The following AP1G1 variants were observed in gnomAD, a reference collection of about 807,000 sequenced individuals.
AP1G1 encodes adaptor related protein complex 1 subunit gamma 1.
In AP1G1, 7 loss-of-function variants were observed where a neutral mutation model predicts 108.3. The ratio of observed to expected loss-of-function variants is 0.06; its 90% confidence interval spans 0.04 to 0.12. AP1G1 has a LOEUF of 0.12. Among genes scored for constraint, AP1G1 ranks in the 10% least tolerant of loss-of-function variants. The probability of loss-of-function intolerance (pLI) is 1.00; values close to 1 mark genes in which losing one functional copy is unlikely to be tolerated. For synonymous variants in AP1G1, 379 were observed against 353.5 expected (o/e 1.07, Z -0.81); for missense variants, 756 against 1,010.7 (o/e 0.75, Z 3.42).
chr16:71,803,013 G>C (rs969253385), intron 1 of AP1G1, among the ~76,000 whole-genome samples: 6 of 151,816 alleles, frequency 4.0e-5, no homozygotes, highest in African/African-American at 9.7e-5. Context: ...TCAGGATTTC[G>C]AGACCAGCCT....
intron 1 of AP1G1, among the ~76,000 whole-genome samples, chr16:71,802,633 G>T (rs1483726845): frequency 6.6e-6 from 1 of 151,966 alleles, no homozygotes; most frequent in African/African-American, 2.4e-5. Context: ...GGGAGGCTGA[G>T]GCAGAAGAAT....
chr16:71,806,035 A>ATT (rs2032987998), intron 1 of AP1G1, among the ~76,000 whole-genome samples: 1 of 148,756 alleles, frequency 6.7e-6, no homozygotes, highest in African/African-American at 2.5e-5. Flanking sequence ...AAATAATAAA[A>ATT]AAAAAAAAAA....
chr16:71,765,441 GAT>G, intron 7 of AP1G1, 46 bp downstream of exon 7: 1 of 1,351,540 alleles, frequency 7.4e-7, no homozygotes, highest in Non-Finnish European at 1.0e-6. Flanking sequence ...TCTACTTAAA[GAT>G]ATTAAATTCA....
At chr16:71,755,217 G>A (rs1211992967) in intron 12 of AP1G1, among the ~76,000 whole-genome samples, 1 of 152,152 alleles carries the variant, frequency 6.6e-6, no homozygotes, top group Non-Finnish European at 1.5e-5. Flanking sequence ...CTTGAGTCCA[G>A]GAGTTCGAGA....
In AP1G1 at chr16:71,731,961, G is replaced by C. The variant is rs1344311496; in HGVS notation, c.*1097C>G. ...GTTCCAGTTAGAAGGAATTCAAACG[G>C]AATGCCAAGGTCCAAGCCAGGCTCA... On this transcript the variant is annotated 3_prime_UTR_variant, in exon 23 of 23. Transcript: ENST00000299980. The C allele has an allele frequency of 6.6e-6, 1 of 152,634 alleles. No individual in the cohort carries two copies. The highest frequency in any genetic ancestry group is 1.5e-5 in the Non-Finnish European group (1 of 68,036). The allele number at this position is 152,634 out of a possible 1,614,324, so 9.5% of individuals were successfully genotyped here.
chr16:71,750,389 T>C (rs568698641), intron 13 of AP1G1, 57 bp from the exon 14 acceptor site: 37 of 1,589,394 alleles, frequency 2.3e-5, no homozygotes, highest in African/African-American at 4.0e-5. Context: ...TGATAACAAG[T>C]GTTAGCTATT....
chr16:71,806,679 T>C (rs1368577283), intron 1 of AP1G1: 17 of 1,285,190 alleles, frequency 1.3e-5, no homozygotes, highest in Non-Finnish European at 1.6e-5. Flanking sequence ...TGCGAGGGCA[T>C]ACTTACTAAA....
At chr16:71,780,513 A>T (rs929041237) in intron 2 of AP1G1, among the ~76,000 whole-genome samples, 2 of 151,716 alleles carry the variant, frequency 1.3e-5, no homozygotes, top group East Asian at 3.9e-4. Context: ...AAAAAAAAAA[A>T]AAAATTGCAG....
chr16:71,785,250 A>G (rs904652101), intron 2 of AP1G1, among the ~76,000 whole-genome samples: 4 of 152,140 alleles, frequency 2.6e-5, no homozygotes, highest in Admixed American at 6.6e-5. Flanking sequence ...GTAGACTCAC[A>G]TACCCAAGTT....
intron 22 of AP1G1, 110 bp from the exon 23 acceptor site, chr16:71,733,269 T>C: frequency 2.4e-6 from 2 of 831,744 alleles, no homozygotes; most frequent in South Asian, 3.5e-5. Context: ...AAAGCAAAGC[T>C]GTCTGTTAAG....
intron 2 of AP1G1, among the ~76,000 whole-genome samples, chr16:71,776,221 A>G (rs2031775702): frequency 6.6e-6 from 1 of 152,248 alleles, no homozygotes; most frequent in African/African-American, 2.4e-5. Flanking sequence ...GAGTTGTTTC[A>G]AGCTATTTAA....
chr16:71,768,937 A>G (rs1254040790), intron 6 of AP1G1, among the ~76,000 whole-genome samples: 31 of 139,558 alleles, frequency 2.2e-4, no homozygotes, highest in East Asian at 6.3e-4. Context: ...AAAAAAAAAA[A>G]AAAGAAAAGA....
chr16:71,783,414 C>A (rs938767074), intron 2 of AP1G1, among the ~76,000 whole-genome samples: 5 of 151,894 alleles, frequency 3.3e-5, no homozygotes, highest in African/African-American at 1.2e-4. Flanking sequence ...CACTACAGAT[C>A]TACAACATAA....
At chr16:71,762,176 C>A (rs2031118177) in intron 9 of AP1G1, among the ~76,000 whole-genome samples, 1 of 152,074 alleles carries the variant, frequency 6.6e-6, no homozygotes, top group African/African-American at 2.4e-5. Flanking sequence ...GAATGTCACG[C>A]AGCCATTAAG....
chr16:71,788,407 G>T (rs1161329946), intron 2 of AP1G1, among the ~76,000 whole-genome samples: 7 of 152,034 alleles, frequency 4.6e-5, no homozygotes, highest in Non-Finnish European at 1.0e-4. Flanking sequence ...ATGCAAAGAA[G>T]AAAGTACTTA....
At position 71,729,402 on chromosome 16, in the gene AP1G1, C is replaced by T. The variant is rs1451482614; in HGVS notation, c.*3656G>A. Reference sequence around the variant, plus strand: ...AAATGGAAAACAAAAACAAAACACACAAAGCGCAACCGCAGGTTCTTTGAG... The same window carrying T: ...AAATGGAAAACAAAAACAAAACACATAAAGCGCAACCGCAGGTTCTTTGAG... On this transcript the variant is annotated 3_prime_UTR_variant, in exon 23 of 23. Transcript: ENST00000299980. 2 of 125,736 alleles carry T rather than the reference C, an allele frequency of 1.6e-5. No homozygotes were observed. The highest frequency in any genetic ancestry group is 3.3e-5 in the Non-Finnish European group (2 of 59,892). The allele number at this position is 125,736 out of a possible 1,614,324, so 7.8% of individuals were successfully genotyped here.
At chr16:71,762,287 TATATG>T (rs1256494388) in intron 9 of AP1G1, among the ~76,000 whole-genome samples, 3 of 152,124 alleles carry the variant, frequency 2.0e-5, no homozygotes, top group South Asian at 4.1e-4. Flanking sequence ...CAATTCCACT[TATATG>T]AGGTACTGTG....
At chr16:71,749,858 A>G (rs773377905) in intron 15 of AP1G1, 36 bp downstream of exon 15, 2 of 1,525,416 alleles carry the variant, frequency 1.3e-6, no homozygotes, top group East Asian at 2.3e-5. Context: ...CAAAACCACT[A>G]TTTTCCCCCA....
intron 11 of AP1G1, chr16:71,758,518 G>C (rs2030921737): frequency 1.8e-6 from 1 of 566,304 alleles, no homozygotes; most frequent in Non-Finnish European, 3.4e-6. Context: ...GTAAACTTTT[G>C]CCTAGCTTAT....
Sources: gnomAD v4.1 joint callset for allele counts (sites outside exome capture counted in the v4.1 genomes callset) on GRCh38, gnomAD v4.1.1 for gene constraint, MANE v1.5 for transcripts, NCBI Gene and HGNC (gene_info 2026-07-23, HGNC 2026-07-21) for gene names.